The following MACROD2 variants were observed in gnomAD, a reference collection of about 807,000 sequenced individuals.
The protein encoded by MACROD2 is mono-ADP ribosylhydrolase 2.
Under a neutral mutation model 70.4 loss-of-function variants are expected in MACROD2, and 36 were observed. The ratio of observed to expected loss-of-function variants is 0.51; its 90% CI spans 0.39 to 0.68. The LOEUF (loss-of-function observed/expected upper bound fraction) is 0.68, where lower values mean the gene tolerates loss of function less well. Ranked by LOEUF, MACROD2 falls within the 30% of genes least tolerant of loss-of-function variation. The pLI is 0.00. For missense variants in MACROD2, 496 were observed against 538.4 expected (o/e 0.92, Z 0.78); for synonymous variants, 172 against 178.8 (o/e 0.96, Z 0.30).
chr20:16,037,790 T>C (rs2067254928), intron 15 of MACROD2, among the ~76,000 whole-genome samples: 2 of 151,952 alleles, frequency 1.3e-5, no homozygotes, highest in Non-Finnish European at 2.9e-5. Flanking sequence ...ATTTCTTATA[T>C]ATTCTGTACA....
intron 3 of MACROD2, among the ~76,000 whole-genome samples, chr20:14,150,883 G>A (rs2055010385): frequency 6.6e-6 from 1 of 152,180 alleles, no homozygotes; most frequent in Admixed American, 6.5e-5. Context: ...TTTCAGAAGA[G>A]CAGGCAAGGA....
At chr20:14,473,612 G>T (rs2084555394) in intron 3 of MACROD2, among the ~76,000 whole-genome samples, 1 of 152,102 alleles carries the variant, frequency 6.6e-6, no homozygotes, top group Non-Finnish European at 1.5e-5. Flanking sequence ...AACAAACTTG[G>T]AGTGCAGATG....
At chr20:15,939,323 G>C (rs756394323) in intron 12 of MACROD2, among the ~76,000 whole-genome samples, 1 of 152,078 alleles carries the variant, frequency 6.6e-6, no homozygotes, top group Non-Finnish European at 1.5e-5. Flanking sequence ...TCTTGTTAGG[G>C]GCTAATGCAG....
At chr20:14,492,704 A>G (rs932690039) in intron 3 of MACROD2, among the ~76,000 whole-genome samples, 7 of 152,098 alleles carry the variant, frequency 4.6e-5, no homozygotes, top group Non-Finnish European at 1.0e-4. Flanking sequence ...AATTCCTGTG[A>G]TACTTAAGAA....
At chr20:15,536,523 A>T (rs1447243113) in intron 8 of MACROD2, among the ~76,000 whole-genome samples, 1 of 152,228 alleles carries the variant, frequency 6.6e-6, no homozygotes, top group East Asian at 1.9e-4. Flanking sequence ...ACATGTATTA[A>T]TTGTACTGCT....
intron 5 of MACROD2, among the ~76,000 whole-genome samples, chr20:14,939,073 G>A (rs911180242): frequency 5.3e-5 from 8 of 150,548 alleles, no homozygotes; most frequent in Non-Finnish European, 1.0e-4. Context: ...CTTTGGGGTT[G>A]TTTCCTTTGC....
At chr20:14,171,683 T>C (rs2081221995) in intron 3 of MACROD2, among the ~76,000 whole-genome samples, 1 of 152,240 alleles carries the variant, frequency 6.6e-6, no homozygotes. Context: ...TCCAACTTTA[T>C]TCCACTGTGG....
At chr20:14,985,040 A>T (rs571168710) in intron 5 of MACROD2, among the ~76,000 whole-genome samples, 1 of 152,272 alleles carries the variant, frequency 6.6e-6, no homozygotes, top group East Asian at 1.9e-4. Context: ...GGCCATTCTG[A>T]GACAAAGTTG....
At chr20:15,295,904 T>C (rs2077583331) in intron 6 of MACROD2, among the ~76,000 whole-genome samples, 1 of 152,128 alleles carries the variant, frequency 6.6e-6, no homozygotes, top group Non-Finnish European at 1.5e-5. Flanking sequence ...CCTCGGCTAA[T>C]AGAAAAATGC....
At chr20:15,080,143 T>TA (rs5840649) in intron 5 of MACROD2, among the ~76,000 whole-genome samples, 27,792 of 150,912 alleles carry the variant, frequency 0.18, 3,444 homozygotes, top group Non-Finnish European at 0.27. Flanking sequence ...AATAAATAAA[T>TA]AAATAAATAA....
chr20:14,512,172 T>C (rs994792347), intron 4 of MACROD2, among the ~76,000 whole-genome samples: 20 of 152,264 alleles, frequency 1.3e-4, no homozygotes, highest in African/African-American at 3.8e-4. Flanking sequence ...GCAAATTTTC[T>C]TTTCCAAAAG....
intron 3 of MACROD2, among the ~76,000 whole-genome samples, chr20:14,297,808 G>A (rs1426382134): frequency 1.3e-5 from 2 of 151,930 alleles, no homozygotes; most frequent in African/African-American, 4.9e-5. Context: ...AGATGAGCTA[G>A]CCTTCTATTG....
At chr20:15,527,796 C>T (rs1330716431) in intron 8 of MACROD2, among the ~76,000 whole-genome samples, 1 of 152,290 alleles carries the variant, frequency 6.6e-6, no homozygotes, top group Admixed American at 6.5e-5. Context: ...AAGGGATTTG[C>T]GAGCTGCTCT....
chr20:15,752,119 G>T (rs2051281401), intron 8 of MACROD2, among the ~76,000 whole-genome samples: 2 of 151,896 alleles, frequency 1.3e-5, no homozygotes, highest in African/African-American at 4.8e-5. Context: ...TTTAATATTT[G>T]CATTAGAGTC....
intron 3 of MACROD2, among the ~76,000 whole-genome samples, chr20:14,322,405 CTCT>C (rs1251222678): frequency 1.2e-5 from 1 of 80,610 alleles, no homozygotes; most frequent in Non-Finnish European, 3.1e-5. Flanking sequence ...TCAATATAAT[CTCT>C]TTTTTTTTTT....
intron 5 of MACROD2, among the ~76,000 whole-genome samples, chr20:15,061,998 AGCAG>A (rs2123082188): frequency 6.6e-6 from 1 of 152,268 alleles, no homozygotes; most frequent in South Asian, 2.1e-4. Flanking sequence ...GTTAGAGGAG[AGCAG>A]GCAGCTTGTT....
rs41275432 is a variant in MACROD2, at chr20:15,499,800, A to C, written c.598A>C (p.Ile200Leu). 6 of 1,613,734 alleles carry C rather than the reference A, an allele frequency of 3.7e-6. No individual in the cohort carries two copies. The East Asian group carries it at 1.3e-4, about 36-fold the overall frequency. The change falls in exon 8 of 18, where the codon ATT becomes CTT. Residue 200 changes from isoleucine (I) to leucine (L), a missense_variant. Transcript: ENST00000684519. ...YGFPNEPAAV[I>L]ALNTIKEWLA... ...CTTTCCCAACGAGCCTGCTGCAGTCATTGCCCTCAACACCATTAAGGAATG... is the reference window on the plus strand; with the variant it reads ...CTTTCCCAACGAGCCTGCTGCAGTCCTTGCCCTCAACACCATTAAGGAATG...
intron 5 of MACROD2, among the ~76,000 whole-genome samples, chr20:15,226,629 A>G (rs1281334467): frequency 6.6e-6 from 1 of 152,190 alleles, no homozygotes; most frequent in Non-Finnish European, 1.5e-5. Context: ...GTGAAAAATT[A>G]GTCATATTTT....
chr20:15,704,066 C>T (rs886126695), intron 8 of MACROD2, among the ~76,000 whole-genome samples: 1 of 152,190 alleles, frequency 6.6e-6, no homozygotes, highest in Non-Finnish European at 1.5e-5. Context: ...CTTGGAGCCA[C>T]ACCATCCTAA....
Sources: gnomAD v4.1 joint callset for allele counts (sites outside exome capture counted in the v4.1 genomes callset) on GRCh38, gnomAD v4.1.1 for gene constraint, MANE v1.5 for transcripts, NCBI Gene and HGNC (gene_info 2026-07-23, HGNC 2026-07-21) for gene names.